The following MICU3 variants were observed in gnomAD, a reference collection of about 807,000 sequenced individuals.
MICU3 encodes the protein calcium uptake protein 3, mitochondrial.
Under a neutral mutation model 66.5 loss-of-function variants are expected in MICU3, and 62 were observed. The observed-to-expected ratio is 0.93, with a 90% confidence interval of 0.76 to 1.15. The LOEUF is 1.15. Among genes scored for constraint, MICU3 ranks in the 50% most tolerant of loss-of-function variants. MICU3 has a pLI of 0.00. For missense variants in MICU3, 779 were observed against 664.4 expected, an observed-to-expected ratio of 1.17 and a Z score of -1.90; for synonymous variants, 308 against 240.7, an observed-to-expected ratio of 1.28 and a Z score of -2.59.
chr8:17,042,292 G>A (rs1296861153), intron 1 of MICU3, among the ~76,000 whole-genome samples: 1 of 152,144 alleles, frequency 6.6e-6, no homozygotes, highest in Non-Finnish European at 1.5e-5. Context: ...AGTTTTAACT[G>A]GATAATATTA....
intron 1 of MICU3, among the ~76,000 whole-genome samples, chr8:17,052,457 C>G (rs1235771112): frequency 6.6e-6 from 1 of 152,132 alleles, no homozygotes; most frequent in African/African-American, 2.4e-5. Flanking sequence ...TTAATTTCTT[C>G]TATCTTACTG....
chr8:17,125,238 G>A (rs184842323), downstream of MICU3, among the ~76,000 whole-genome samples: 1 of 151,460 alleles, frequency 6.6e-6, no homozygotes, highest in Admixed American at 6.6e-5. Context: ...CATTCTTGAG[G>A]GGTTTTTTTA....
intron 12 of MICU3, among the ~76,000 whole-genome samples, chr8:17,115,974 CA>C (rs1563399819): frequency 6.6e-6 from 1 of 152,182 alleles, no homozygotes; most frequent in Non-Finnish European, 1.5e-5. Context: ...AAGACAAAAT[CA>C]CATCCTTTTC....
At chr8:17,031,074 C>T (rs1811953322) in intron 1 of MICU3, among the ~76,000 whole-genome samples, 1 of 151,752 alleles carries the variant, frequency 6.6e-6, no homozygotes, top group Non-Finnish European at 1.5e-5. Flanking sequence ...TTCAGAAATA[C>T]TATTTTAGTG....
intron 1 of MICU3, among the ~76,000 whole-genome samples, chr8:17,033,000 G>A (rs1585150549): frequency 6.6e-6 from 1 of 152,132 alleles, no homozygotes; most frequent in African/African-American, 2.4e-5. Flanking sequence ...AATGTTATGT[G>A]TAGTTTCCTC....
At chr8:17,125,021 A>G (rs528730176), downstream of MICU3, among the ~76,000 whole-genome samples, 1 of 152,056 alleles carries the variant, frequency 6.6e-6, no homozygotes, top group South Asian at 2.1e-4. Context: ...CATGGCATTC[A>G]TTTCTGGAAA....
intron 12 of MICU3, among the ~76,000 whole-genome samples, chr8:17,115,019 T>C (rs1585566784): frequency 6.7e-6 from 1 of 149,762 alleles, no homozygotes; most frequent in South Asian, 2.1e-4. Context: ...CTTGGGAGGC[T>C]GAGGCAGGAG....
At chr8:17,084,831 A>T (rs1342597570) in intron 5 of MICU3, among the ~76,000 whole-genome samples, 1 of 151,922 alleles carries the variant, frequency 6.6e-6, no homozygotes, top group East Asian at 1.9e-4. Context: ...TTCATAGGTC[A>T]TTTTAGTTAT....
chr8:17,032,401 G>A (rs892552812), intron 1 of MICU3, among the ~76,000 whole-genome samples: 2 of 151,828 alleles, frequency 1.3e-5, no homozygotes, highest in African/African-American at 2.4e-5. Flanking sequence ...ATAAAAAAAC[G>A]ATTAGATTGC....
chr8:17,033,134 G>A (rs1313875453), intron 1 of MICU3, among the ~76,000 whole-genome samples: 1 of 152,172 alleles, frequency 6.6e-6, no homozygotes, highest in Non-Finnish European at 1.5e-5. Flanking sequence ...TCACGTGGAA[G>A]GAAGAGTTGC....
chr8:17,066,544 T>TATATATATATATATATATA (rs1491234403), intron 2 of MICU3, among the ~76,000 whole-genome samples: 46 of 61,458 alleles, frequency 7.5e-4, no homozygotes, highest in African/African-American at 4.9e-3. Context: ...TATATATAGA[T>TATATATATATATATATATA]TTTTTTTTTT....
At chr8:17,085,087 A>G in intron 5 of MICU3, 149 bp from the exon 6 acceptor site, 1 of 455,644 alleles carries the variant, frequency 2.2e-6, no homozygotes, top group Non-Finnish European at 3.9e-6. Context: ...TAAGTGTACT[A>G]ATTATAAAGC....
downstream of MICU3, among the ~76,000 whole-genome samples, chr8:17,125,783 A>G (rs996684725): frequency 5.9e-5 from 9 of 151,992 alleles, no homozygotes; most frequent in Non-Finnish European, 1.0e-4. Context: ...CTGTAATCCC[A>G]GTACTTTGGG....
chr8:17,082,525 C>T (rs959852206), intron 5 of MICU3, among the ~76,000 whole-genome samples: 3 of 152,076 alleles, frequency 2.0e-5, no homozygotes, highest in Admixed American at 1.3e-4. Context: ...TTCTTGTCTC[C>T]CCACACTTGA....
intron 5 of MICU3, among the ~76,000 whole-genome samples, chr8:17,084,251 CT>C (rs1739100639): frequency 6.6e-6 from 1 of 151,980 alleles, no homozygotes; most frequent in African/African-American, 2.4e-5. Context: ...TTTTCAAGAT[CT>C]TTTTAAAGTG....
chr8:17,043,848 AG>A (rs1814623911), intron 1 of MICU3, among the ~76,000 whole-genome samples: 1 of 152,238 alleles, frequency 6.6e-6, no homozygotes, highest in Admixed American at 6.5e-5. Context: ...TTGGAGAGAA[AG>A]GTAAAATATA....
At chr8:17,031,330 C>T (rs1434857351) in intron 1 of MICU3, among the ~76,000 whole-genome samples, 3 of 150,244 alleles carry the variant, frequency 2.0e-5, no homozygotes, top group African/African-American at 7.4e-5. Context: ...CTCTATCGCT[C>T]AGGCTGGACT....
At chr8:17,045,150 C>G (rs1472568303) in intron 1 of MICU3, among the ~76,000 whole-genome samples, 11 of 151,890 alleles carry the variant, frequency 7.2e-5, no homozygotes, top group Non-Finnish European at 1.5e-4. Flanking sequence ...AACGAAAATG[C>G]TCAAAAATAA....
At chr8:17,128,565 A>C in the MICU3 span, among the ~76,000 whole-genome samples, 8 of 152,222 alleles carry the variant, frequency 5.3e-5, no homozygotes, top group Non-Finnish European at 1.2e-4. Flanking sequence ...CATTTGCTGA[A>C]ATCAAAACCT....
Sources: allele counts gnomAD v4.1 joint callset (sites outside exome capture counted in the v4.1 genomes callset), GRCh38; gene constraint gnomAD v4.1.1; transcripts MANE v1.5; gene names NCBI Gene and HGNC (gene_info 2026-07-23, HGNC 2026-07-21).